Variants in KDM4C observed in about 807,000 individuals in gnomAD.
The protein encoded by KDM4C is lysine demethylase 4C, also known as lysine-specific demethylase 4C.
In KDM4C, 81 loss-of-function variants were observed where a neutral mutation model predicts 129.3. The observed-to-expected ratio is 0.63, with a 90% confidence interval of 0.52 to 0.75. The LOEUF (loss-of-function observed/expected upper bound fraction) is 0.75, where lower values mean the gene tolerates loss of function less well. KDM4C is among the 30% of genes least tolerant of loss of function. The pLI is 0.00. For missense variants in KDM4C, 1,457 were observed against 1,304.0 expected, an observed-to-expected ratio of 1.12 and a Z score of -1.81; for synonymous variants, 573 against 456.1, an observed-to-expected ratio of 1.26 and a Z score of -3.26.
intron 8 of KDM4C, among the ~76,000 whole-genome samples, chr9:6,967,268 A>G (rs760425587): frequency 6.6e-6 from 1 of 151,980 alleles, no homozygotes; most frequent in African/African-American, 2.4e-5. Context: ...TATTAAAAAT[A>G]CAAATATTAG....
chr9:6,927,094 TCTATCTATCTATCTA>T (rs1563826618), intron 8 of KDM4C, among the ~76,000 whole-genome samples: 6 of 78,850 alleles, frequency 7.6e-5, no homozygotes, highest in Admixed American at 1.6e-4. Context: ...AAATTTTCTA[TCTATCTATCTATCTA>T]TCTATCTATC....
At chr9:7,113,656 C>T (rs915839166) in intron 18 of KDM4C, among the ~76,000 whole-genome samples, 4 of 152,176 alleles carry the variant, frequency 2.6e-5, no homozygotes, top group Admixed American at 1.3e-4. Context: ...GAGAGTTTAA[C>T]GTGATCTTGG....
At chr9:7,143,864 T>C (rs1271671195) in intron 19 of KDM4C, among the ~76,000 whole-genome samples, 1 of 152,212 alleles carries the variant, frequency 6.6e-6, no homozygotes, top group Non-Finnish European at 1.5e-5. Flanking sequence ...ATTACACATA[T>C]CCCTGTCTGC....
intron 7 of KDM4C, among the ~76,000 whole-genome samples, chr9:6,891,096 G>A (rs1378731859): frequency 1.3e-5 from 2 of 152,202 alleles, no homozygotes; most frequent in African/African-American, 2.4e-5. Context: ...AATCAGTGGT[G>A]AAAGGTATCA....
chr9:6,729,307 G>A (rs1247319272), intron 1 of KDM4C, among the ~76,000 whole-genome samples: 2 of 131,632 alleles, frequency 1.5e-5, no homozygotes, highest in African/African-American at 6.5e-5. Context: ...TTGGGAGGCT[G>A]AGGCAGGTGG....
At chr9:6,948,046 G>A (rs558976755) in intron 8 of KDM4C, 2 of 152,174 alleles carry the variant, frequency 1.3e-5, no homozygotes, top group East Asian at 3.9e-4. Flanking sequence ...AGATGCTGCA[G>A]TGTGTGTCAC....
intron 17 of KDM4C, among the ~76,000 whole-genome samples, chr9:7,084,630 T>A (rs896252675): frequency 2.2e-4 from 33 of 152,234 alleles, no homozygotes; most frequent in African/African-American, 8.0e-4. Context: ...AGGAGCTGCA[T>A]GATCTTAGTG....
rs939026896 is a variant in KDM4C, at chr9:6,743,497, A to C, written c.49+22500A>C. Among the ~76,000 whole-genome samples, 14 of 151,538 alleles carry C rather than the reference A, an allele frequency of 9.2e-5. 1 individual carries two copies. Among genetic ancestry groups the C allele is most frequent in the African/African-American group, 3.4e-4 (14 of 41,346 alleles). On this transcript the variant is annotated intron_variant, in intron 1 of 17. Transcript: ENST00000536108. The stretch of plus-strand genomic sequence containing the variant: ...AGAAGCTAGAACAAAGAATAACACA[A>C]TATTTTCTGCTTCCTTTTTTTTTTT...
chr9:7,132,206 A>G (rs771923886), intron 19 of KDM4C, among the ~76,000 whole-genome samples: 7 of 152,208 alleles, frequency 4.6e-5, no homozygotes, highest in Admixed American at 1.3e-4. Context: ...TCCCTTATGG[A>G]GCCTGATGCT....
chr9:7,082,610 A>C (rs961973482), intron 17 of KDM4C, among the ~76,000 whole-genome samples: 1 of 152,040 alleles, frequency 6.6e-6, no homozygotes, highest in South Asian at 2.1e-4. Context: ...TTCCTGTGAG[A>C]GTCTTGCTTT....
chr9:7,028,162 T>C (rs1205854229), intron 15 of KDM4C, among the ~76,000 whole-genome samples: 4 of 152,020 alleles, frequency 2.6e-5, no homozygotes, highest in Admixed American at 2.6e-4. Flanking sequence ...AAAGAATCTC[T>C]CCTTGTGGCC....
chr9:6,730,787 C>G lies in KDM4C; in HGVS notation c.49+9790C>G, dbSNP rs561922211. On this transcript the variant is annotated intron_variant, in intron 1 of 17. Transcript: ENST00000536108. ...TGACTATAGAAATCAGAGGTGAGGT[C>G]CTTAAGTGGATTCGTTACAGCTCCG... Among the ~76,000 whole-genome samples, 24 of 152,172 alleles carry G rather than the reference C, an allele frequency of 1.6e-4. No individual in the cohort carries two copies. The South Asian group carries it at 5.0e-3, about 32-fold the overall frequency.
intron 8 of KDM4C, among the ~76,000 whole-genome samples, chr9:6,921,656 T>G (rs1307209503): frequency 6.6e-6 from 1 of 152,212 alleles, no homozygotes; most frequent in Non-Finnish European, 1.5e-5. Context: ...ATGACAGCTT[T>G]AAAACCATTT....
chr9:6,774,845 C>T (rs960571684), intron 1 of KDM4C, among the ~76,000 whole-genome samples: 1 of 152,132 alleles, frequency 6.6e-6, no homozygotes, highest in Non-Finnish European at 1.5e-5. Flanking sequence ...TCCATCTTCT[C>T]TCCTTGGCAA....
chr9:7,063,035 T>C (rs1047476824), intron 17 of KDM4C, among the ~76,000 whole-genome samples: 9 of 152,224 alleles, frequency 5.9e-5, no homozygotes, highest in Admixed American at 2.0e-4. Context: ...CTTTAATTTC[T>C]TAAAACTAGA....
At chr9:6,806,538 C>A (rs1830006657) in intron 3 of KDM4C, among the ~76,000 whole-genome samples, 2 of 142,886 alleles carry the variant, frequency 1.4e-5, no homozygotes, top group Admixed American at 1.4e-4. Context: ...AATAAATAAT[C>A]CCAAATCTTA....
chr9:6,792,611 A>G (rs1036595911), intron 1 of KDM4C, among the ~76,000 whole-genome samples: 3 of 151,876 alleles, frequency 2.0e-5, no homozygotes, highest in Admixed American at 1.3e-4. Context: ...CTGGTCTCGA[A>G]CTCCTGACCT....
intron 15 of KDM4C, among the ~76,000 whole-genome samples, chr9:7,042,781 G>T (rs1050069936): frequency 7.9e-5 from 12 of 152,028 alleles, no homozygotes; most frequent in African/African-American, 2.9e-4. Context: ...GAGAAAAGGT[G>T]CATGGACATT....
At chr9:7,122,460 C>A (rs1308680146) in intron 18 of KDM4C, among the ~76,000 whole-genome samples, 1 of 152,128 alleles carries the variant, frequency 6.6e-6, no homozygotes, top group Non-Finnish European at 1.5e-5. Context: ...ACCATATCAC[C>A]TGTCATGGGA....
Sources: gnomAD v4.1 joint callset for allele counts (sites outside exome capture counted in the v4.1 genomes callset) on GRCh38, gnomAD v4.1.1 for gene constraint, MANE v1.5 for transcripts, NCBI Gene and HGNC (gene_info 2026-07-23, HGNC 2026-07-21) for gene names.